Variants in MYH6 observed in about 807,000 individuals in gnomAD.
MYH6 encodes myosin-6.
MYH6 carries 126 observed loss-of-function variants against 223.2 expected under a neutral mutation model. That is an observed-to-expected ratio of 0.56 (90% confidence interval 0.49 to 0.65). The LOEUF is 0.65. MYH6 is among the 30% of genes least tolerant of loss of function. MYH6 has a pLI of 0.00. For missense variants in MYH6, 2,040 were observed against 2,536.4 expected (o/e 0.80, Z 4.20); for synonymous variants, 978 against 1,010.2 (o/e 0.97, Z 0.61).
At chr14:23,408,214 G>C in intron 1 of MYH6, 39 bp downstream of exon 1, 1 of 985,220 alleles carries the variant, frequency 1.0e-6, no homozygotes, top group Non-Finnish European at 1.2e-6. Flanking sequence ...GGGCTCTGTG[G>C]ACGGGCTGCA....
intron 25 of MYH6, among the ~76,000 whole-genome samples, chr14:23,392,207 CTT>C (rs200757604): frequency 1.4e-5 from 2 of 143,560 alleles, no homozygotes; most frequent in African/African-American, 5.1e-5. Context: ...TCCTTGAAGC[CTT>C]TTTTTTTTTT....
At position 23,388,568 on chromosome 14, in the gene MYH6, C is replaced by A. The variant is rs373696663; in HGVS notation, c.4176-230G>T. The A allele has an allele frequency of 2.8e-5, 24 of 866,462 alleles. No individual in the cohort carries two copies. The African/African-American group carries it at 3.1e-4, about 11-fold the overall frequency. The allele number at this position is 866,462 out of a possible 1,614,324, so 53.7% of individuals were successfully genotyped here. ...GTCAGTGCCCCCTGCCCTCACCCCC[C>A]ACACAGGCTGATCGACGGTAGCTCC... On this transcript the variant is annotated intron_variant, in intron 29 of 38. Coordinates refer to ENST00000405093, the MANE Select transcript of MYH6 (RefSeq NM_002471.4).
intron 23 of MYH6, 115 bp downstream of exon 23, chr14:23,393,227 G>A: frequency 2.0e-5 from 30 of 1,498,688 alleles, no homozygotes; most frequent in Non-Finnish European, 2.7e-5. Context: ...ACTACAGAGA[G>A]CAAAAAAGCT....
intron 3 of MYH6, among the ~76,000 whole-genome samples, chr14:23,406,601 T>A (rs919672188): frequency 2.6e-5 from 4 of 152,158 alleles, no homozygotes; most frequent in African/African-American, 9.7e-5. Context: ...AAGTTTCTGA[T>A]CTTTGTGTTC....
At chr14:23,401,545 C>T (rs1265182110) in intron 12 of MYH6, among the ~76,000 whole-genome samples, 1 of 152,258 alleles carries the variant, frequency 6.6e-6, no homozygotes, top group African/African-American at 2.4e-5. Flanking sequence ...ACATCTGTGG[C>T]ATCTCTGGGT....
chr14:23,392,673 T>TGGGG, intron 24 of MYH6, 21 bp from the exon 25 acceptor site: 1 of 534,016 alleles, frequency 1.9e-6, no homozygotes, highest in Admixed American at 2.8e-5. Context: ...AGGGTGGGGG[T>TGGGG]GGGGGAGTGA....
chr14:23,387,644 G>A lies in MYH6; in HGVS notation c.4535C>T (p.Ser1512Leu), dbSNP rs763022972. The change falls in exon 32 of 39, where the codon TCG becomes TTG. Residue 1512 changes from serine (S) to leucine (L), a missense_variant. Transcript: ENST00000405093. ...TTCTCCTAGCTGCTCAGTAAGGTCCGAGATTTCCTCTGGGGACCAGAGGGC... is the reference window on the plus strand; with the variant it reads ...TTCTCCTAGCTGCTCAGTAAGGTCCAAGATTTCCTCTGGGGACCAGAGGGC... Reference protein sequence around the residue: ...RENKNLQEEISDLTEQLGEGG... With the variant: ...RENKNLQEEILDLTEQLGEGG... The A allele has an allele frequency of 2.5e-6, 4 of 1,613,938 alleles. No homozygotes were observed. Among genetic ancestry groups the A allele is most frequent in the African/African-American group, 1.3e-5 (1 of 74,880 alleles).
At chr14:23,392,847 C>A (rs997845308) in intron 24 of MYH6, 65 bp downstream of exon 24, 3 of 1,603,458 alleles carry the variant, frequency 1.9e-6, no homozygotes, top group Non-Finnish European at 2.6e-6. Context: ...AGGCGCAGCA[C>A]CCTGCACTCT....
chr14:23,382,493 G>A lies in MYH6; in HGVS notation c.5731C>T (p.Arg1911Trp), dbSNP rs746557077. The change falls in exon 38 of 39, where the codon CGG becomes TGG. Residue 1911 changes from arginine (R) to tryptophan (W), a missense_variant. Physicochemically the swap from Arg to Trp is moderately radical, Grantham distance 101. This residue lies in a region of MYH6 where 1,203 missense variants were observed against 1,400.2 expected (regional missense o/e 0.86). Coordinates refer to ENST00000405093, the MANE Select transcript of MYH6 (RefSeq NM_002471.4). ...VQHELDEAEERADIAESQVNK... is the reference protein window; with the variant it reads ...VQHELDEAEEWADIAESQVNK... ...ACCTGGGACTCAGCGATGTCCGCCC[G>A]CTCCTCTGCCTCATCCAGCTCATGC... The A allele has an allele frequency of 3.7e-6, 6 of 1,614,144 alleles. No individual in the cohort carries two copies. The highest frequency in any genetic ancestry group is 2.2e-5 in the East Asian group (1 of 44,876).
chr14:23,395,268 TACTA>T (rs1891358765), intron 20 of MYH6, among the ~76,000 whole-genome samples: 1 of 152,260 alleles, frequency 6.6e-6, no homozygotes, highest in African/African-American at 2.4e-5. Context: ...TGCCTTTGTT[TACTA>T]ACAATATGCT....
At chr14:23,401,106 A>G (rs935800951) in intron 12 of MYH6, 129 bp from the exon 13 acceptor site, 13 of 1,459,266 alleles carry the variant, frequency 8.9e-6, no homozygotes, top group Non-Finnish European at 1.2e-5. Flanking sequence ...TCCTGGGTTC[A>G]AGTGATTTTC....
At chr14:23,400,226 G>A in intron 14 of MYH6, 30 bp downstream of exon 14, 1 of 1,614,170 alleles carries the variant, frequency 6.2e-7, no homozygotes, top group Non-Finnish European at 8.5e-7. Context: ...GGCAGAGGAG[G>A]GGGCATAGGT....
chr14:23,398,943 C>A lies in MYH6; in HGVS notation c.1676G>T (p.Gly559Val). Residue 559 changes from glycine to valine, a missense_variant, in exon 15 of 39, where the codon GGC (glycine) becomes GTC (valine). Physicochemically the swap from Gly to Val is moderately radical, Grantham distance 109. This residue lies in a region of MYH6 where 649 missense variants were observed against 877.3 expected (regional missense o/e 0.74). Transcript: ENST00000405093. Reference sequence around the variant, plus strand: ...TGGCTTCTGGAAATTGTTGGACTTGCCCAGGTGGTTGTCGTACAGCTTGGC... The same window carrying A: ...TGGCTTCTGGAAATTGTTGGACTTGACCAGGTGGTTGTCGTACAGCTTGGC... ...FKAKLYDNHL[G>V]KSNNFQKPRN... The A allele has an allele frequency of 6.2e-7, 1 of 1,614,082 alleles. No individual in the cohort carries two copies. The highest frequency in any genetic ancestry group is 8.5e-7 in the Non-Finnish European group (1 of 1,180,024).
intron 16 of MYH6, 31 bp downstream of exon 16, chr14:23,397,512 A>G: frequency 6.2e-7 from 1 of 1,609,130 alleles, no homozygotes; most frequent in Non-Finnish European, 8.5e-7. Flanking sequence ...CCATTCCACC[A>G]GGTGTCCTGG....
At position 23,388,298 on chromosome 14, in the gene MYH6, C is replaced by T. The variant is rs201566738; in HGVS notation, c.4216G>A (p.Val1406Met). 69 of 1,613,202 alleles carry T rather than the reference C, an allele frequency of 4.3e-5. No individual in the cohort carries two copies. The highest frequency in any genetic ancestry group is 5.3e-5 in the Non-Finnish European group (62 of 1,180,042). ...AQRLQDAEEA[V>M]EAVNAKCSSL... ...GAGCACTTGGCATTAACAGCCTCCACGGCCTCCTCGGCATCCTGCAGCCGC... is the reference window on the plus strand; with the variant it reads ...GAGCACTTGGCATTAACAGCCTCCATGGCCTCCTCGGCATCCTGCAGCCGC... Residue 1406 changes from valine (V) to methionine (M), a missense_variant, in exon 30 of 39, where the codon GTG becomes ATG. By Grantham distance (21) the Val-to-Met change is conservative. Transcript: ENST00000405093.
At chr14:23,392,261 G>C (rs1479482740) in intron 25 of MYH6, among the ~76,000 whole-genome samples, 1 of 152,104 alleles carries the variant, frequency 6.6e-6, no homozygotes, top group Admixed American at 6.5e-5. Flanking sequence ...GGAAGGGTTA[G>C]AGGAGAATAG....
chr14:23,405,907 AC>A lies in MYH6; in HGVS notation c.202-138del, dbSNP rs1308471805. 1.9e-6 allele frequency: 2 copies of A among 1,033,248 alleles called. No homozygotes were observed. Among genetic ancestry groups the A allele is most frequent in the African/African-American group, 1.6e-5 (1 of 63,486 alleles). 64.0% of individuals were successfully genotyped at this position (1,033,248 alleles called of 1,614,324 possible). A position where few individuals can be genotyped will look rare whatever the true frequency, so the allele number is the denominator to read the frequency against. ...TGCTCTGACCAGTGCCCCGGCCCCT[AC>A]CCCGATGTCCCCTGGGACACTTTCC... On this transcript the variant is annotated intron_variant, in intron 3 of 38. Coordinates refer to ENST00000405093, the MANE Select transcript of MYH6 (RefSeq NM_002471.4). The surrounding 1 kb of genome is among the most constrained non-coding windows in gnomAD (Gnocchi z 4.7).
At chr14:23,386,288 C>A in intron 33 of MYH6, 27 bp downstream of exon 33, 2 of 1,614,098 alleles carry the variant, frequency 1.2e-6, no homozygotes, top group Non-Finnish European at 1.7e-6. Context: ...GGCCAGTCCC[C>A]TGAGGGGACC....
At chr14:23,391,458 A>T (rs1176221402) in intron 25 of MYH6, among the ~76,000 whole-genome samples, 2 of 152,220 alleles carry the variant, frequency 1.3e-5, no homozygotes, top group African/African-American at 2.4e-5. Flanking sequence ...ATGGCCCGAT[A>T]TTCTAGCTAA....
Sources: allele counts gnomAD v4.1 joint callset (sites outside exome capture counted in the v4.1 genomes callset), GRCh38; gene constraint gnomAD v4.1.1; regional missense constraint gnomAD v4.1.1; non-coding constraint Gnocchi (gnomAD v3.1); transcripts MANE v1.5; gene names NCBI Gene and HGNC (gene_info 2026-07-23, HGNC 2026-07-21).